EVI5: variants seen among roughly 807,000 people sequenced by gnomAD.
EVI5 encodes ecotropic viral integration site 5.
Under a neutral mutation model 112.0 loss-of-function variants are expected in EVI5, and 73 were observed. The observed-to-expected ratio is 0.65, with a 90% CI of 0.54 to 0.79. EVI5 has a LOEUF of 0.79. Among genes scored for constraint, EVI5 ranks in the 30% least tolerant of loss-of-function variants. EVI5 has a pLI of 0.00. For missense variants in EVI5, 900 were observed against 968.8 expected, an observed-to-expected ratio of 0.93 and a Z score of 0.94; for synonymous variants, 305 against 319.9, an observed-to-expected ratio of 0.95 and a Z score of 0.50.
chr1:92,732,244 C>T lies in EVI5; in HGVS notation c.149+4154G>A, dbSNP rs1003948685. The T allele has an allele frequency of 8.6e-5, 27 of 313,942 alleles. 1 individual carries two copies. The highest frequency in any genetic ancestry group is 7.6e-4 in the Admixed American group (19 of 24,988). The allele number at this position is 313,942 out of a possible 1,614,324, so 19.4% of individuals were successfully genotyped here. ...AACTTGTGGCAGTTATACGTCCTTA[C>T]TGTGAGAATAATTTTTGCCTGAGAC... On this transcript the variant is annotated intron_variant, in intron 2 of 19. Coordinates refer to ENST00000684568, the MANE Select transcript of EVI5 (RefSeq NM_001350197.2).
At chr1:92,547,108 C>T (rs915205190) in intron 19 of EVI5, among the ~76,000 whole-genome samples, 5 of 152,192 alleles carry the variant, frequency 3.3e-5, no homozygotes, top group Non-Finnish European at 7.3e-5. Context: ...CTAAAGCACT[C>T]CTCAGCAAAT....
At chr1:92,588,366 C>G (rs772007530) in intron 18 of EVI5, among the ~76,000 whole-genome samples, 7 of 152,232 alleles carry the variant, frequency 4.6e-5, no homozygotes, top group East Asian at 1.9e-4. Context: ...CACCCAGACT[C>G]TACTTCAGAC....
At chr1:92,607,550 A>ATT in intron 17 of EVI5, 31 bp downstream of exon 17, 1 of 1,514,744 alleles carries the variant, frequency 6.6e-7, no homozygotes, top group South Asian at 1.3e-5. Context: ...TATATTGACA[A>ATT]AAAACAAAAT....
At chr1:92,542,345 A>C (rs1363318496) in intron 19 of EVI5, among the ~76,000 whole-genome samples, 1 of 152,076 alleles carries the variant, frequency 6.6e-6, no homozygotes, top group Non-Finnish European at 1.5e-5. Context: ...CAATTCAGGC[A>C]CATCTTCAGG....
At chr1:92,607,767 A>C in intron 16 of EVI5, 40 bp from the exon 17 acceptor site, 4 of 1,444,646 alleles carry the variant, frequency 2.8e-6, no homozygotes, top group Non-Finnish European at 3.7e-6. Flanking sequence ...TATAGATACA[A>C]GACCTAAAAA....
chr1:92,605,909 CG>C (rs1475104028), intron 17 of EVI5, among the ~76,000 whole-genome samples: 1 of 152,130 alleles, frequency 6.6e-6, no homozygotes, highest in Non-Finnish European at 1.5e-5. Flanking sequence ...ACATAATTCA[CG>C]GACTGGCTTT....
chr1:92,702,238 T>C, intron 4 of EVI5, 23 bp from the exon 5 acceptor site: 1 of 1,301,116 alleles, frequency 7.7e-7, no homozygotes, highest in East Asian at 2.7e-5. Flanking sequence ...AAAAAGTTGT[T>C]CAAAATACAT....
intron 17 of EVI5, among the ~76,000 whole-genome samples, chr1:92,607,105 A>G (rs928312796): frequency 1.3e-5 from 2 of 152,186 alleles, no homozygotes; most frequent in Admixed American, 6.5e-5. Context: ...AATAATGGGT[A>G]ATATACCCAT....
chr1:92,605,672 A>G (rs1415436812), intron 17 of EVI5, among the ~76,000 whole-genome samples: 2 of 152,206 alleles, frequency 1.3e-5, no homozygotes, highest in Non-Finnish European at 2.9e-5. Context: ...AATTTATGAA[A>G]AAACTCCAGG....
rs112401038 is a variant in EVI5, at chr1:92,578,205, A to C, written c.2071-14468T>G. On this transcript the variant is annotated intron_variant, in intron 18 of 19. Transcript: ENST00000684568. ...CTAATCCACATTGTTATTTCTCTAG[A>C]TGCTCTTCTCCCAGCTTGATGACTA... Among the ~76,000 whole-genome samples, 216 of 152,302 alleles carry C rather than the reference A, an allele frequency of 1.4e-3. 3 individuals carry two copies. In the South Asian group the frequency reaches 0.017, roughly 12 times the overall value.
chr1:92,603,678 T>A (rs1173402283), intron 18 of EVI5, among the ~76,000 whole-genome samples: 2 of 151,204 alleles, frequency 1.3e-5, no homozygotes. Context: ...TGTATAAAAT[T>A]TTTTTTATAT....
chr1:92,724,335 A>C (rs936539914), intron 2 of EVI5, among the ~76,000 whole-genome samples: 9 of 152,186 alleles, frequency 5.9e-5, no homozygotes, highest in African/African-American at 2.2e-4. Context: ...ATAGAAAAGA[A>C]CCTACGTTGA....
chr1:92,553,050 T>C (rs1480040366), intron 19 of EVI5, among the ~76,000 whole-genome samples: 1 of 152,102 alleles, frequency 6.6e-6, no homozygotes, highest in East Asian at 1.9e-4. Flanking sequence ...AGAACACCAA[T>C]TATACTTTAT....
intron 18 of EVI5, among the ~76,000 whole-genome samples, chr1:92,590,134 C>A (rs549376303): frequency 6.6e-6 from 1 of 152,114 alleles, no homozygotes; most frequent in Admixed American, 6.6e-5. Flanking sequence ...TCATCGAAGA[C>A]CAAACGTAGA....
chr1:92,640,582 A>G (rs145505163), intron 13 of EVI5, among the ~76,000 whole-genome samples: 1,795 of 152,270 alleles, frequency 0.012, 39 homozygotes, highest in African/African-American at 0.041. Context: ...CAGAATGGCA[A>G]TTATTAAAAA....
chr1:92,710,290 C>T (rs1045043760), intron 2 of EVI5, among the ~76,000 whole-genome samples: 39 of 151,754 alleles, frequency 2.6e-4, no homozygotes, highest in Admixed American at 7.9e-4. Context: ...CTGCAGTGTG[C>T]CATGATTGCA....
chr1:92,768,094 G>C, intron 1 of EVI5, among the ~76,000 whole-genome samples: 1 of 104,538 alleles, frequency 9.6e-6, no homozygotes, highest in African/African-American at 3.3e-5. Context: ...AAAAAAAAAA[G>C]AGAACTCATA....
chr1:92,525,021 T>A (rs1436610026), intron 19 of EVI5, among the ~76,000 whole-genome samples: 7 of 151,874 alleles, frequency 4.6e-5, no homozygotes, highest in Non-Finnish European at 1.5e-5. Context: ...AGAGACAGGG[T>A]TTCACCATGT....
intron 2 of EVI5, among the ~76,000 whole-genome samples, chr1:92,723,182 A>G (rs1675031033): frequency 6.6e-6 from 1 of 152,352 alleles, no homozygotes; most frequent in African/African-American, 2.4e-5. Flanking sequence ...AAATTATAAA[A>G]TTACTTCAAT....
Sources: gnomAD v4.1 joint callset for allele counts (sites outside exome capture counted in the v4.1 genomes callset) on GRCh38, gnomAD v4.1.1 for gene constraint, MANE v1.5 for transcripts, NCBI Gene and HGNC (gene_info 2026-07-23, HGNC 2026-07-21) for gene names.